CC2D2B: variants seen among roughly 807,000 people sequenced by gnomAD.
The protein encoded by CC2D2B is coiled-coil and C2 domain containing 2B, also known as protein CC2D2B.
CC2D2B carries 128 observed loss-of-function variants against 161.2 expected under a neutral mutation model. The ratio of observed to expected loss-of-function variants is 0.79; its 90% CI spans 0.69 to 0.92. CC2D2B has a LOEUF of 0.92. Ranked by LOEUF, CC2D2B falls within the 40% of genes least tolerant of loss-of-function variation. The probability of loss-of-function intolerance (pLI) is 0.00; values close to 1 mark genes in which losing one functional copy is unlikely to be tolerated. For synonymous variants in CC2D2B, 391 were observed against 449.8 expected, an observed-to-expected ratio of 0.87 and a Z score of 1.65; for missense variants, 1,173 against 1,375.1, an observed-to-expected ratio of 0.85 and a Z score of 2.32.
chr10:95,967,855 T>A (rs548074037), intron 14 of CC2D2B, among the ~76,000 whole-genome samples: 2 of 152,226 alleles, frequency 1.3e-5, no homozygotes, highest in African/African-American at 4.8e-5. Context: ...GGCAGGGACA[T>A]ACTGGGCCCA....
chr10:96,026,600 A>G (rs1423389994), intron 33 of CC2D2B, among the ~76,000 whole-genome samples: 1 of 152,152 alleles, frequency 6.6e-6, no homozygotes, highest in Non-Finnish European at 1.5e-5. Flanking sequence ...ATCGGATGGT[A>G]GGTGTTGTCA....
intron 1 of CC2D2B, among the ~76,000 whole-genome samples, chr10:95,910,037 T>C (rs2098503303): frequency 6.6e-6 from 1 of 152,118 alleles, no homozygotes; most frequent in African/African-American, 2.4e-5. Context: ...ATGCCTGTAG[T>C]CCTAGCTACT....
intron 3 of CC2D2B, 125 bp from the exon 4 acceptor site, chr10:95,924,189 T>G (rs182817770): frequency 4.0e-6 from 2 of 495,912 alleles, no homozygotes; most frequent in East Asian, 7.2e-5. Flanking sequence ...ATAACCTAGT[T>G]TTCATAATTG....
intron 25 of CC2D2B, among the ~76,000 whole-genome samples, chr10:96,007,263 T>G (rs2078792187): frequency 6.6e-6 from 1 of 152,148 alleles, no homozygotes; most frequent in African/African-American, 2.4e-5. Flanking sequence ...CACTTATAAG[T>G]GAGAGCATGT....
chr10:96,020,048 G>C, intron 32 of CC2D2B: 1 of 425,192 alleles, frequency 2.4e-6, no homozygotes, highest in South Asian at 3.7e-5. Context: ...TGCAAATTTA[G>C]ATGCTAAAAT....
At position 95,966,104 on chromosome 10, in the gene CC2D2B, A is replaced by G. The variant is rs940700229; in HGVS notation, c.1354-86A>G. The G allele has an allele frequency of 4.7e-5, 33 of 695,706 alleles. No homozygotes were observed. In the African/African-American group the frequency reaches 5.7e-4, roughly 12 times the overall value. 43.1% of individuals were successfully genotyped at this position (695,706 alleles called of 1,614,324 possible). A position where few individuals can be genotyped will look rare whatever the true frequency, so the allele number is the denominator to read the frequency against. On this transcript the variant is annotated intron_variant, in intron 13 of 34. Transcript: ENST00000646931. ...CTAAAAGTTATCCAACAAACTGACAAATACAAGAAATAAATGAATTTTAAG... is the reference window on the plus strand; with the variant it reads ...CTAAAAGTTATCCAACAAACTGACAGATACAAGAAATAAATGAATTTTAAG...
chr10:95,929,827 G>A (rs770705519), intron 6 of CC2D2B, among the ~76,000 whole-genome samples: 4 of 152,152 alleles, frequency 2.6e-5, no homozygotes, highest in Non-Finnish European at 4.4e-5. Context: ...GTCAGGTAGC[G>A]TGATGCCTAC....
At chr10:96,027,100 G>A in intron 33 of CC2D2B, 112 bp from the exon 34 acceptor site, 1 of 744,380 alleles carries the variant, frequency 1.3e-6, no homozygotes. Context: ...TCCAGCCTGG[G>A]GGACAAGAGC....
intron 23 of CC2D2B, among the ~76,000 whole-genome samples, chr10:95,995,647 A>G (rs1311774184): frequency 6.6e-6 from 1 of 152,200 alleles, no homozygotes; most frequent in Non-Finnish European, 1.5e-5. Flanking sequence ...TAGGCATATC[A>G]TGCTACTCCT....
At chr10:96,028,415 CTAAA>C (rs991456656) in intron 34 of CC2D2B, among the ~76,000 whole-genome samples, 54 of 152,214 alleles carry the variant, frequency 3.5e-4, no homozygotes, top group African/African-American at 1.3e-3. Flanking sequence ...CAAATCAAAA[CTAAA>C]TAAGGTATCA....
intron 2 of CC2D2B, 70 bp from the exon 3 acceptor site, chr10:95,921,940 TATAATA>T (rs541307342): frequency 2.5e-6 from 2 of 795,574 alleles, no homozygotes; most frequent in Admixed American, 2.8e-5. Context: ...GGACTTAAAG[TATAATA>T]ATAATAATAA....
At chr10:96,022,735 C>T (rs1237342781) in intron 32 of CC2D2B, 1 of 152,244 alleles carries the variant, frequency 6.6e-6, no homozygotes. Context: ...AAAGACATAT[C>T]TCAGTGTTCT....
At chr10:96,007,724 A>T (rs2049737282) in intron 25 of CC2D2B, among the ~76,000 whole-genome samples, 1 of 152,160 alleles carries the variant, frequency 6.6e-6, no homozygotes, top group South Asian at 2.1e-4. Context: ...TTCAAACTTC[A>T]GCTATTTTCT....
chr10:95,956,232 A>C (rs1033008950), intron 11 of CC2D2B, among the ~76,000 whole-genome samples: 4 of 152,186 alleles, frequency 2.6e-5, no homozygotes, highest in African/African-American at 4.8e-5. Flanking sequence ...GATTATTCAA[A>C]GATATAACAT....
At chr10:95,957,897 C>T (rs2076627157) in intron 11 of CC2D2B, among the ~76,000 whole-genome samples, 1 of 149,450 alleles carries the variant, frequency 6.7e-6, no homozygotes, top group African/African-American at 2.5e-5. Flanking sequence ...TAACAAAAAA[C>T]AGAAAGCCCT....
intron 11 of CC2D2B, 174 bp from the exon 12 acceptor site, chr10:95,961,655 T>C (rs998405727): frequency 2.6e-6 from 1 of 387,386 alleles, no homozygotes; most frequent in East Asian, 3.7e-5. Flanking sequence ...TCTAATGGAA[T>C]TGCAGTGGGT....
intron 34 of CC2D2B, among the ~76,000 whole-genome samples, chr10:96,029,290 A>ATATATATATATATG (rs2079955736): frequency 1.1e-5 from 1 of 92,056 alleles, no homozygotes; most frequent in Non-Finnish European, 2.2e-5. Context: ...ATATATGTAT[A>ATATATATATATATG]TATATATATA....
chr10:95,959,386 T>TA (rs2076686685), intron 11 of CC2D2B, among the ~76,000 whole-genome samples: 1 of 152,194 alleles, frequency 6.6e-6, no homozygotes, highest in African/African-American at 2.4e-5. Context: ...AATCTGTGTT[T>TA]AGCAAGCCCT....
intron 10 of CC2D2B, among the ~76,000 whole-genome samples, chr10:95,952,703 A>G (rs983851567): frequency 3.9e-5 from 6 of 152,082 alleles, no homozygotes; most frequent in African/African-American, 1.4e-4. Flanking sequence ...TTAATACTCT[A>G]TCTTGGAACT....
Sources: allele counts gnomAD v4.1 joint callset (sites outside exome capture counted in the v4.1 genomes callset), GRCh38; gene constraint gnomAD v4.1.1; transcripts MANE v1.5; gene names NCBI Gene and HGNC (gene_info 2026-07-23, HGNC 2026-07-21).